The following CDK14 variants were observed in gnomAD, a reference collection of about 807,000 sequenced individuals.
CDK14 encodes cyclin-dependent kinase 14.
Under a neutral mutation model 60.7 loss-of-function variants are expected in CDK14, and 34 were observed. That is an observed-to-expected ratio of 0.56 (90% confidence interval 0.43 to 0.75). CDK14 has a LOEUF of 0.75. CDK14 is among the 30% of genes least tolerant of loss of function. The probability of loss-of-function intolerance (pLI) is 0.00; values close to 1 mark genes in which losing one functional copy is unlikely to be tolerated. For missense variants in CDK14, 482 were observed against 564.1 expected, an observed-to-expected ratio of 0.85 and a Z score of 1.47; for synonymous variants, 197 against 203.7, an observed-to-expected ratio of 0.97 and a Z score of 0.28.
chr7:90,963,680 G>GTTTTTT (rs376787216), intron 9 of CDK14, among the ~76,000 whole-genome samples: 1 of 130,850 alleles, frequency 7.6e-6, no homozygotes, highest in African/African-American at 2.8e-5. Flanking sequence ...GAAGACAAAG[G>GTTTTTT]TTTTTTTTTT....
chr7:90,843,480 T>C (rs534654182), intron 5 of CDK14, among the ~76,000 whole-genome samples: 1 of 152,310 alleles, frequency 6.6e-6, no homozygotes, highest in African/African-American at 2.4e-5. Flanking sequence ...ATGTGAGATA[T>C]ATTAGTAAAG....
intron 10 of CDK14, among the ~76,000 whole-genome samples, chr7:90,990,578 T>A (rs530480523): frequency 6.6e-6 from 1 of 152,248 alleles, no homozygotes; most frequent in East Asian, 1.9e-4. Context: ...AAGAAACGTA[T>A]GAGAAAAAAA....
At position 90,796,979 on chromosome 7, in the gene CDK14, AAGTC is replaced by A. The variant is rs921539322; in HGVS notation, c.544+6330_544+6333del. Among the ~76,000 whole-genome samples, 73 of 151,972 alleles carry A rather than the reference AAGTC, an allele frequency of 4.8e-4. 1 individual carries two copies. The highest frequency in any genetic ancestry group is 1.7e-3 in the African/African-American group (72 of 41,348). ...TCTCTTATGTTGTACAGTGATGAAAAAGTCAGAATCAAAACCTACTGATTTGTGT... is the reference window on the plus strand; with the variant it reads ...TCTCTTATGTTGTACAGTGATGAAAAAGAATCAAAACCTACTGATTTGTGT... On this transcript the variant is annotated intron_variant, in intron 5 of 14. Coordinates refer to ENST00000380050, the MANE Select transcript of CDK14 (RefSeq NM_001287135.2).
intron 6 of CDK14, among the ~76,000 whole-genome samples, chr7:90,874,453 T>G (rs1791480157): frequency 6.6e-6 from 1 of 150,820 alleles, no homozygotes; most frequent in African/African-American, 2.4e-5. Flanking sequence ...GGTTCAGCTT[T>G]ATGCTCATTG....
chr7:90,620,524 A>T (rs1463349095), intron 2 of CDK14, among the ~76,000 whole-genome samples: 1 of 152,072 alleles, frequency 6.6e-6, no homozygotes, highest in Non-Finnish European at 1.5e-5. Flanking sequence ...CCCTATTTAT[A>T]ATCTGTGTGA....
At chr7:91,018,582 G>A (rs903942020) in intron 10 of CDK14, among the ~76,000 whole-genome samples, 5 of 152,162 alleles carry the variant, frequency 3.3e-5, no homozygotes, top group African/African-American at 7.2e-5. Context: ...ATCTCATGTC[G>A]AATTGTAATC....
chr7:91,108,483 C>A (rs775877777), intron 12 of CDK14, among the ~76,000 whole-genome samples: 2 of 152,192 alleles, frequency 1.3e-5, no homozygotes, highest in Non-Finnish European at 2.9e-5. Context: ...AAATACCCAG[C>A]ATAATACTTG....
chr7:90,866,235 C>CAT (rs1174901277), intron 6 of CDK14, among the ~76,000 whole-genome samples: 1 of 77,878 alleles, frequency 1.3e-5, no homozygotes, highest in South Asian at 4.4e-4. Flanking sequence ...CATACACATA[C>CAT]ACACACACAC....
At chr7:91,140,494 A>C (rs1337955192) in intron 14 of CDK14, among the ~76,000 whole-genome samples, 1 of 152,208 alleles carries the variant, frequency 6.6e-6, no homozygotes, top group Non-Finnish European at 1.5e-5. Flanking sequence ...TTTGTTAATC[A>C]TTCATTGCAC....
chr7:91,035,607 G>A lies in CDK14; in HGVS notation c.1042-10290G>A, dbSNP rs75419137. Among the ~76,000 whole-genome samples, 546 of 126,682 alleles carry A rather than the reference G, an allele frequency of 4.3e-3. 3 individuals are homozygous for A. Among genetic ancestry groups the A allele is most frequent in the African/African-American group, 0.016 (509 of 32,120 alleles). The allele number at this position is 126,682 out of a possible 152,430, so 83.1% of individuals were successfully genotyped here. Reference sequence around the variant, plus strand: ...AACCTTTCTGAATACACTCCACAGAGGACCGTTTATTTTTGTCCCTTGTCA... The same window carrying A: ...AACCTTTCTGAATACACTCCACAGAAGACCGTTTATTTTTGTCCCTTGTCA... On this transcript the variant is annotated intron_variant, in intron 10 of 14. Coordinates refer to ENST00000380050, the MANE Select transcript of CDK14 (RefSeq NM_001287135.2).
chr7:90,674,442 C>T (rs1252839638), intron 2 of CDK14, among the ~76,000 whole-genome samples: 2 of 152,242 alleles, frequency 1.3e-5, no homozygotes, highest in African/African-American at 2.4e-5. Flanking sequence ...AAGGTGGGAA[C>T]ACAAATTCCC....
chr7:90,783,872 A>C (rs1405075357), intron 4 of CDK14, among the ~76,000 whole-genome samples: 1 of 152,060 alleles, frequency 6.6e-6, no homozygotes, highest in Non-Finnish European at 1.5e-5. Context: ...ACTGTGGAGG[A>C]GCGTCAAAAA....
intron 4 of CDK14, among the ~76,000 whole-genome samples, chr7:90,778,156 T>G (rs1238248499): frequency 6.6e-6 from 1 of 152,234 alleles, no homozygotes; most frequent in Non-Finnish European, 1.5e-5. Context: ...CCTTTATGTC[T>G]CCAGTTGGAT....
intron 5 of CDK14, among the ~76,000 whole-genome samples, chr7:90,812,913 G>A (rs995009393): frequency 2.0e-5 from 3 of 152,206 alleles, no homozygotes; most frequent in Admixed American, 6.5e-5. Flanking sequence ...TCACTCCTGG[G>A]TATTGTCTAC....
chr7:90,924,686 G>A lies in CDK14; in HGVS notation c.826+6962G>A, dbSNP rs554160195. Among the ~76,000 whole-genome samples, 4 of 152,192 alleles carry A rather than the reference G, an allele frequency of 2.6e-5. No homozygotes were observed. In the South Asian group the frequency reaches 8.3e-4, roughly 32 times the overall value. The stretch of plus-strand genomic sequence containing the variant: ...TACTATGGGAAATGTAAGACATGCT[G>A]TAAATTCTGGTTAGACATTTTTTTT... On this transcript the variant is annotated intron_variant, in intron 8 of 14. Transcript: ENST00000380050.
At chr7:91,150,647 A>G (rs1800805741) in intron 14 of CDK14, among the ~76,000 whole-genome samples, 1 of 152,204 alleles carries the variant, frequency 6.6e-6, no homozygotes, top group African/African-American at 2.4e-5. Context: ...ATAGTTGTTA[A>G]GTCAACAATG....
rs1801701451 is a variant in CDK14 at position 91,175,472 on chromosome 7, T to C, written c.*29-31693T>C. On this transcript the variant is annotated intron_variant, in intron 14 of 14. Transcript: ENST00000380050. ...CACACATAACAATATTAACTTTAAATGTAAATGGACTAAATGCTCCAATTG... is the reference window on the plus strand; with the variant it reads ...CACACATAACAATATTAACTTTAAACGTAAATGGACTAAATGCTCCAATTG... 2.0e-5 allele frequency among the ~76,000 whole-genome samples: 3 copies of C among 151,954 alleles called. No individual in the cohort carries two copies. In the South Asian group the frequency reaches 6.2e-4, roughly 31 times the overall value.
At chr7:91,025,695 T>A (rs923521945) in intron 10 of CDK14, among the ~76,000 whole-genome samples, 1 of 152,216 alleles carries the variant, frequency 6.6e-6, no homozygotes, top group African/African-American at 2.4e-5. Context: ...TTATTGAGGA[T>A]GATCTTTTGA....
At chr7:91,186,518 G>A (rs1188434317) in intron 14 of CDK14, among the ~76,000 whole-genome samples, 1 of 151,450 alleles carries the variant, frequency 6.6e-6, no homozygotes. Context: ...TCTTAGATAG[G>A]CCAATTGGCT....
Sources: allele counts gnomAD v4.1 joint callset (sites outside exome capture counted in the v4.1 genomes callset), GRCh38; gene constraint gnomAD v4.1.1; transcripts MANE v1.5; gene names NCBI Gene and HGNC (gene_info 2026-07-23, HGNC 2026-07-21).